The following VAT1L variants were observed in gnomAD, a reference collection of about 807,000 sequenced individuals.
VAT1L encodes the protein vesicle amine transport 1 like.
A neutral mutation model predicts 44.1 loss-of-function variants in VAT1L; 34 were observed. That is an observed-to-expected ratio of 0.77 (90% confidence interval 0.59 to 1.03). VAT1L has a LOEUF of 1.03. Among genes scored for constraint, VAT1L ranks in the 50% least tolerant of loss-of-function variants. The pLI is 0.00. For synonymous variants in VAT1L, 253 were observed against 202.2 expected, an observed-to-expected ratio of 1.25 and a Z score of -2.13; for missense variants, 615 against 538.8, an observed-to-expected ratio of 1.14 and a Z score of -1.40.
intron 3 of VAT1L, among the ~76,000 whole-genome samples, chr16:77,839,391 C>T (rs896187780): frequency 1.3e-5 from 2 of 151,636 alleles, no homozygotes; most frequent in Non-Finnish European, 2.9e-5. Flanking sequence ...AAAAAATCAG[C>T]TGGGCGTGGT....
chr16:77,884,741 T>A lies in VAT1L; in HGVS notation c.1016T>A (p.Ile339Lys). 6.3e-7 allele frequency: 1 copy of A among 1,599,320 alleles called. No individual in the cohort carries two copies. The highest frequency in any genetic ancestry group is 8.5e-7 in the Non-Finnish European group (1 of 1,172,932). The part of the protein sequence containing the change: ...GLIRGVVEKL[I>K]GLYNQKKIKP... ...ATTCGGGGAGTGGTGGAAAAACTCA[T>A]AGGGCTCTACAACCAGAAGAAGATC... Residue 339 changes from isoleucine to lysine, a missense_variant, in exon 7 of 9, where the codon ATA (isoleucine) becomes AAA (lysine). Physicochemically the swap from Ile to Lys is moderately radical, Grantham distance 102. Transcript: ENST00000302536. The surrounding 1 kb of genome is among the most constrained non-coding windows in gnomAD (Gnocchi z 4.5).
intron 7 of VAT1L, 84 bp from the exon 8 acceptor site, chr16:77,971,766 G>C (rs1365128752): frequency 1.4e-6 from 2 of 1,433,122 alleles, no homozygotes; most frequent in Non-Finnish European, 1.9e-6. Flanking sequence ...GTGGTCACTT[G>C]ACAGTTTGAG....
intron 3 of VAT1L, among the ~76,000 whole-genome samples, chr16:77,858,260 T>G (rs2016881492): frequency 6.6e-6 from 1 of 151,622 alleles, no homozygotes. Flanking sequence ...TTCCTGGGGA[T>G]GGAGATGACT....
Position 77,966,601 on chromosome 16 carries a change from G to T in VAT1L, c.1078-5249G>T, listed in dbSNP as rs58256904. Among the ~76,000 whole-genome samples, 184 of 152,306 alleles carry T rather than the reference G, an allele frequency of 1.2e-3. 3 individuals carry two copies. In the East Asian group the frequency reaches 0.027, roughly 22 times the overall value. ...GAAACATGCAGTCCAGTGCTGTTCA[G>T]CAGAATTATGTGAGCCACATGCAAA... On this transcript the variant is annotated intron_variant, in intron 7 of 8. Transcript: ENST00000302536.
intron 1 of VAT1L, among the ~76,000 whole-genome samples, chr16:77,798,348 C>T (rs147285580): frequency 6.6e-5 from 10 of 152,338 alleles, no homozygotes; most frequent in Admixed American, 2.6e-4. Context: ...GAATTCAAAT[C>T]CTAGCTCTAA....
At position 77,894,935 on chromosome 16, in the gene VAT1L, C is replaced by T. The variant is rs78948729; in HGVS notation, c.1077+10133C>T. 7.5e-3 allele frequency among the ~76,000 whole-genome samples: 1,145 copies of T among 152,170 alleles called. 13 individuals carry two copies. The highest frequency in any genetic ancestry group is 0.026 in the African/African-American group (1,097 of 41,504). On this transcript the variant is annotated intron_variant, in intron 7 of 8. Transcript: ENST00000302536. Reference sequence around the variant, plus strand: ...TGTGTGGCCTCAGAAAACCATCCCACCTTGTCCATTCTCCCAGTTTTCAGA... The same window carrying T: ...TGTGTGGCCTCAGAAAACCATCCCATCTTGTCCATTCTCCCAGTTTTCAGA...
chr16:77,976,960 A>G (rs1336184634), intron 8 of VAT1L, among the ~76,000 whole-genome samples: 1 of 152,162 alleles, frequency 6.6e-6, no homozygotes, highest in Non-Finnish European at 1.5e-5. Flanking sequence ...GCTCTTCTTA[A>G]GTGACAGCAT....
intron 7 of VAT1L, among the ~76,000 whole-genome samples, chr16:77,937,640 A>C (rs192578015): frequency 3.3e-5 from 5 of 152,358 alleles, no homozygotes; most frequent in African/African-American, 1.2e-4. Flanking sequence ...GTCTGAAATG[A>C]CGGTGCTCCT....
In VAT1L at chr16:77,819,012, T is replaced by G. The variant is rs556449516; in HGVS notation, c.363+1962T>G. Among the ~76,000 whole-genome samples the G allele has an allele frequency of 5.3e-5, 8 of 151,602 alleles. No individual in the cohort carries two copies. In the East Asian group the frequency reaches 1.2e-3, roughly 22 times the overall value. On this transcript the variant is annotated intron_variant, in intron 2 of 8. Coordinates refer to ENST00000302536, the MANE Select transcript of VAT1L (RefSeq NM_020927.3). The stretch of plus-strand genomic sequence containing the variant: ...TTGGCCAGGACTGATTTTTTTTTTC[T>G]TAGCAGAATCAAATAATGAGATGAA...
chr16:77,886,794 G>T (rs540761864), intron 7 of VAT1L, among the ~76,000 whole-genome samples: 2 of 152,290 alleles, frequency 1.3e-5, no homozygotes, highest in East Asian at 3.9e-4. Flanking sequence ...GGGAGACTTA[G>T]TTTCCACAGA....
At chr16:77,890,327 G>A (rs984614438) in intron 7 of VAT1L, among the ~76,000 whole-genome samples, 4 of 152,112 alleles carry the variant, frequency 2.6e-5, no homozygotes, top group African/African-American at 9.7e-5. Flanking sequence ...TAGAGGAGAG[G>A]AAGTAAGATT....
At chr16:77,916,124 G>A (rs575480223) in intron 7 of VAT1L, among the ~76,000 whole-genome samples, 127 of 152,314 alleles carry the variant, frequency 8.3e-4, no homozygotes, top group Non-Finnish European at 1.4e-3. Context: ...ACGAAGAAAT[G>A]GGGGTAGTAG....
At chr16:77,961,149 C>G (rs2142534461) in intron 7 of VAT1L, among the ~76,000 whole-genome samples, 1 of 152,212 alleles carries the variant, frequency 6.6e-6, no homozygotes. Context: ...ACAGCTGGGG[C>G]AGTTTTCAAA....
chr16:77,943,014 G>A (rs1011217343), intron 7 of VAT1L, among the ~76,000 whole-genome samples: 1 of 133,132 alleles, frequency 7.5e-6, no homozygotes, highest in East Asian at 2.4e-4. Context: ...CAAAGTGCTG[G>A]GATTACAGGT....
chr16:77,930,327 G>T (rs1047544173), intron 7 of VAT1L, among the ~76,000 whole-genome samples: 1 of 152,212 alleles, frequency 6.6e-6, no homozygotes, highest in East Asian at 1.9e-4. Context: ...GATGTTCTTT[G>T]GGGGGACATG....
rs751306268 is a variant in VAT1L at position 77,977,638 on chromosome 16, G to T, written c.1203G>T (p.Glu401Asp). ...DSTETSEAGEEEEDHEGDSEN... is the reference protein window; with the variant it reads ...DSTETSEAGEDEEDHEGDSEN... ...CAGAGACCAGTGAAGCAGGGGAAGA[G>T]GAGGAGGACCACGAGGGAGACAGCG... Residue 401 changes from glutamate to aspartate, a missense_variant, in exon 9 of 9, where the codon GAG becomes GAT. Glu to Asp is a conservative substitution (Grantham distance 45). Transcript: ENST00000302536. The T allele has an allele frequency of 8.7e-6, 14 of 1,613,996 alleles. No homozygotes were observed. The highest frequency in any genetic ancestry group is 1.2e-5 in the Non-Finnish European group (14 of 1,179,978).
chr16:77,872,806 G>A (rs905422378), intron 4 of VAT1L, among the ~76,000 whole-genome samples: 1 of 152,174 alleles, frequency 6.6e-6, no homozygotes, highest in Non-Finnish European at 1.5e-5. Context: ...TGGATGGTGA[G>A]GGCAAACTTC....
Position 77,792,392 on chromosome 16 carries a change from C to T in VAT1L, c.233+3477C>T, listed in dbSNP as rs938276735. Among the ~76,000 whole-genome samples the T allele has an allele frequency of 2.6e-5, 4 of 152,140 alleles. No individual in the cohort carries two copies. In the East Asian group the frequency reaches 5.8e-4, roughly 22 times the overall value. ...CTGGCTCCTTGGAGGCAGAACCTGA[C>T]GCAGGGATCCTTTTTCAGGTGGTTT... On this transcript the variant is annotated intron_variant, in intron 1 of 8. Coordinates refer to ENST00000302536, the MANE Select transcript of VAT1L (RefSeq NM_020927.3).
chr16:77,793,973 T>A (rs1230990659), intron 1 of VAT1L, among the ~76,000 whole-genome samples: 1 of 152,162 alleles, frequency 6.6e-6, no homozygotes, highest in African/African-American at 2.4e-5. Context: ...AGTATTGCCA[T>A]CTCCAGTTAA....
Sources: allele counts gnomAD v4.1 joint callset (sites outside exome capture counted in the v4.1 genomes callset), GRCh38; gene constraint gnomAD v4.1.1; non-coding constraint Gnocchi (gnomAD v3.1); transcripts MANE v1.5; gene names NCBI Gene and HGNC (gene_info 2026-07-23, HGNC 2026-07-21).